The following BOK variants were observed in gnomAD, a reference collection of about 807,000 sequenced individuals.
BOK encodes BCL2 family apoptosis regulator BOK.
A neutral mutation model predicts 18.3 loss-of-function variants in BOK; 20 were observed. That is an observed-to-expected ratio of 1.09 (90% CI 0.77 to 1.59). The LOEUF is 1.59. Ranked by LOEUF, BOK falls within the 40% of genes most tolerant of loss-of-function variation. The pLI, the probability that BOK is intolerant of heterozygous loss-of-function variation, is 0.00. For synonymous variants in BOK, 173 were observed against 142.4 expected (o/e 1.21, Z -1.53); for missense variants, 348 against 307.9 (o/e 1.13, Z -0.97).
upstream of BOK, among the ~76,000 whole-genome samples, chr2:241,558,565 G>A (rs1265786604): frequency 1.3e-5 from 2 of 152,270 alleles, no homozygotes; most frequent in Non-Finnish European, 2.9e-5. Flanking sequence ...CCAGGCGGCT[G>A]GGGCTGGCTC....
chr2:241,556,074 G>A (rs1009729982), upstream of BOK, among the ~76,000 whole-genome samples: 15 of 152,176 alleles, frequency 9.9e-5, no homozygotes, highest in Non-Finnish European at 1.8e-4. Context: ...CTCCTTGGGC[G>A]AGATCTTTTC....
intron 3 of BOK, among the ~76,000 whole-genome samples, chr2:241,563,541 C>T (rs12479254): frequency 0.65 from 98,198 of 152,054 alleles, 31,842 homozygotes; most frequent in Admixed American, 0.71. Flanking sequence ...CCCCGGGGTG[C>T]GCAGGATTCC....
chr2:241,551,872 A>G (rs528959598), intron 1 of BOK, among the ~76,000 whole-genome samples: 1 of 149,676 alleles, frequency 6.7e-6, no homozygotes, highest in African/African-American at 2.5e-5. Context: ...TGCCCTGCCC[A>G]CCCAGTATTC....
chr2:241,571,312 C>T (rs1485174476), intron 4 of BOK, among the ~76,000 whole-genome samples: 2 of 147,602 alleles, frequency 1.4e-5, no homozygotes, highest in Admixed American at 6.7e-5. Flanking sequence ...CCGGCCAGAC[C>T]GCAGTTGCCG....
chr2:241,568,609 G>C (rs1179150166), intron 3 of BOK, among the ~76,000 whole-genome samples: 1 of 152,034 alleles, frequency 6.6e-6, no homozygotes, highest in Non-Finnish European at 1.5e-5. Context: ...GTAGAGATGG[G>C]GTTTCACCAT....
chr2:241,552,387 C>T (rs1372629232), intron 1 of BOK, among the ~76,000 whole-genome samples: 2 of 152,232 alleles, frequency 1.3e-5, no homozygotes, highest in Non-Finnish European at 2.9e-5. Context: ...CGGCCCCACC[C>T]AGTCCCTCTG....
chr2:241,568,670 G>A (rs967875267), intron 3 of BOK, among the ~76,000 whole-genome samples: 11 of 152,164 alleles, frequency 7.2e-5, no homozygotes, highest in African/African-American at 2.7e-4. Context: ...TGCCCACCTC[G>A]GCCTTCCAAG....
chr2:241,570,384 G>A (rs2066697986), intron 4 of BOK, 96 bp downstream of exon 4: 1 of 986,044 alleles, frequency 1.0e-6, no homozygotes, highest in East Asian at 3.5e-5. Context: ...CTGAGCGCCT[G>A]GGGGGTGGGA....
At position 241,567,905 on chromosome 2, in the gene BOK, C is replaced by G. The variant is rs1488825665; in HGVS notation, c.350-2220C>G. The stretch of plus-strand genomic sequence containing the variant: ...ACTAGTCTCAGGAGGTCTTTATCAC[C>G]CCAGAATGCCTGTGCCCGTGGCCGC... On this transcript the variant is annotated intron_variant, in intron 3 of 4. Transcript: ENST00000318407. Among the ~76,000 whole-genome samples the G allele has an allele frequency of 2.6e-5, 2 of 77,306 alleles. 1 individual carries two copies. The highest frequency in any genetic ancestry group is 1.2e-4 in the African/African-American group (2 of 16,964). The allele number at this position is 77,306 out of a possible 152,430, so 50.7% of individuals were successfully genotyped here. A position where few individuals can be genotyped will look rare whatever the true frequency, so the allele number is the denominator to read the frequency against.
chr2:241,568,566 C>T (rs991392444), intron 3 of BOK, among the ~76,000 whole-genome samples: 5 of 152,032 alleles, frequency 3.3e-5, no homozygotes, highest in African/African-American at 9.7e-5. Context: ...TACAGGCGCC[C>T]ACCACCATAT....
chr2:241,558,653 G>A (rs940476222), upstream of BOK: 1 of 152,312 alleles, frequency 6.6e-6, no homozygotes, highest in Non-Finnish European at 1.5e-5. Context: ...GAACTCGCTC[G>A]GTCCTCCTTA....
At chr2:241,558,575 C>T (rs2066473755), upstream of BOK, 1 of 152,332 alleles carries the variant, frequency 6.6e-6, no homozygotes, top group Non-Finnish European at 1.5e-5. Context: ...GGGGCTGGCT[C>T]TAGGTCCCCA....
chr2:241,558,052 G>GAAAC (rs61316533), upstream of BOK, among the ~76,000 whole-genome samples: 74,151 of 135,046 alleles, frequency 0.55, 18,818 homozygotes, highest in African/African-American at 0.63. Context: ...ATAGAGTTCC[G>GAAAC]AGACACACAC....
At chr2:241,570,022 TGGACGGCAAGCA>T in intron 3 of BOK, 91 bp from the exon 4 acceptor site, 1 of 1,393,086 alleles carries the variant, frequency 7.2e-7, no homozygotes, top group Non-Finnish European at 9.6e-7. Flanking sequence ...GGTCATTAGC[TGGACGGCAAGCA>T]GGACAGCGGC....
At position 241,562,276 on chromosome 2, in the gene BOK, G is replaced by A. The variant is rs544022176; in HGVS notation, c.221-72G>A. ...GTCAGGTGGGGGTCAGGTGCAGGGT[G>A]TGCCCCAAGCCAGTCGTGTCCCAGG... is the stretch of plus-strand genomic sequence containing the variant. On this transcript the variant is annotated intron_variant, in intron 2 of 4. Transcript: ENST00000318407. This position sits in a 1 kb window ranked among gnomAD's most constrained non-coding sequence, Gnocchi z 4.5. 11 of 1,520,898 alleles carry A rather than the reference G, an allele frequency of 7.2e-6. No homozygotes were observed. The highest frequency in any genetic ancestry group is 2.0e-5 in the Admixed American group (1 of 50,698). The allele number at this position is 1,520,898 out of a possible 1,614,324, so 94.2% of individuals were successfully genotyped here. A position where few individuals can be genotyped will look rare whatever the true frequency, so the allele number is the denominator to read the frequency against.
At chr2:241,552,541 G>C (rs539693419) in intron 1 of BOK, among the ~76,000 whole-genome samples, 5 of 152,292 alleles carry the variant, frequency 3.3e-5, no homozygotes, top group African/African-American at 1.2e-4. Context: ...GAGTGGTAGG[G>C]CCAGGCAGGA....
In BOK at chr2:241,572,360, G is replaced by A; in HGVS notation, c.577G>A (p.Ala193Thr). ...PGLRSHWLVA[A>T]LCSFGRFLKA... ...CCTCCGCTCCCACTGGCTGGTGGCTGCACTCTGCAGCTTCGGCCGCTTCCT... is the reference window on the plus strand; with the variant it reads ...CCTCCGCTCCCACTGGCTGGTGGCTACACTCTGCAGCTTCGGCCGCTTCCT... The change falls in exon 5 of 5, where the codon GCA becomes ACA. Residue 193 changes from alanine to threonine, a missense_variant. Coordinates refer to ENST00000318407, the MANE Select transcript of BOK (RefSeq NM_032515.5). 2 of 1,608,180 alleles carry A rather than the reference G, an allele frequency of 1.2e-6. No individual in the cohort carries two copies. The highest frequency in any genetic ancestry group is 8.5e-7 in the Non-Finnish European group (1 of 1,179,450).
intron 3 of BOK, 66 bp from the exon 4 acceptor site, chr2:241,570,059 C>G: frequency 6.5e-7 from 1 of 1,543,424 alleles, no homozygotes; most frequent in African/African-American, 1.4e-5. Flanking sequence ...AGAGGCCCAG[C>G]CCCTTCCTTA....
chr2:241,572,419 A>G lies in BOK; in HGVS notation c.636A>G (p.Arg212=). 1.3e-6 allele frequency: 2 copies of G among 1,597,280 alleles called. No individual in the cohort carries two copies. The highest frequency in any genetic ancestry group is 2.2e-5 in the East Asian group (1 of 44,760). ...KAAFFVLLPE[R] ...CCTTCTTCGTGCTGCTGCCAGAGAGATGAGCTGCCCACCTGGCAGTGGCCG... is the reference window on the plus strand; with the variant it reads ...CCTTCTTCGTGCTGCTGCCAGAGAGGTGAGCTGCCCACCTGGCAGTGGCCG... The change falls in exon 5 of 5, where the codon AGA becomes AGG. Residue 212 remains arginine, a synonymous_variant. Coordinates refer to ENST00000318407, the MANE Select transcript of BOK (RefSeq NM_032515.5).
Sources: gnomAD v4.1 joint callset for allele counts (sites outside exome capture counted in the v4.1 genomes callset) on GRCh38, gnomAD v4.1.1 for gene constraint, Gnocchi (gnomAD v3.1) non-coding constraint, MANE v1.5 for transcripts, NCBI Gene and HGNC (gene_info 2026-07-23, HGNC 2026-07-21) for gene names.